Variants in GLIS1 observed in about 807,000 individuals in gnomAD.
GLIS1 encodes GLIS family zinc finger 1, also known as zinc finger protein GLIS1.
Under a neutral mutation model 63.8 loss-of-function variants are expected in GLIS1, and 24 were observed. That is an observed-to-expected ratio of 0.38 (90% CI 0.27 to 0.53). GLIS1 has a LOEUF of 0.53. GLIS1 is among the 20% of genes least tolerant of loss of function. The pLI is 0.85. For missense variants in GLIS1, 1,036 were observed against 1,074.1 expected (o/e 0.96, Z 0.50); for synonymous variants, 450 against 482.5 (o/e 0.93, Z 0.88).
At chr1:53,520,431 T>G (rs544837031) in intron 7 of GLIS1, among the ~76,000 whole-genome samples, 1 of 152,296 alleles carries the variant, frequency 6.6e-6, no homozygotes, top group South Asian at 2.1e-4. Flanking sequence ...GAAGGAAACG[T>G]CCACCTAGTT....
In GLIS1 at chr1:53,607,036, AAC is replaced by A. The variant is rs1020720656; in HGVS notation, c.260-6760_260-6759del. 5.9e-5 allele frequency among the ~76,000 whole-genome samples: 9 copies of A among 152,260 alleles called. 1 individual carries two copies. The South Asian group carries it at 1.5e-3, about 25-fold the overall frequency. The stretch of plus-strand genomic sequence containing the variant: ...GGCAGGTGTATGGTGTGTGTAAATA[AAC>A]ACAGCCAGGGGCCAGCTTTTCCCTC... On this transcript the variant is annotated intron_variant, in intron 2 of 10. Transcript: ENST00000628545.
intron 4 of GLIS1, among the ~76,000 whole-genome samples, chr1:53,589,536 T>C (rs749025961): frequency 1.3e-5 from 2 of 152,188 alleles, no homozygotes; most frequent in African/African-American, 2.4e-5. Context: ...AGGTGGCTTG[T>C]GTTCTGAGTT....
chr1:53,719,061 C>T (rs1347675091), intron 2 of GLIS1, among the ~76,000 whole-genome samples: 1 of 152,226 alleles, frequency 6.6e-6, no homozygotes, highest in Non-Finnish European at 1.5e-5. Context: ...CAGCCTCTCT[C>T]CTCTACCTGG....
chr1:53,651,831 G>A (rs1422564798), intron 2 of GLIS1, among the ~76,000 whole-genome samples: 1 of 148,788 alleles, frequency 6.7e-6, no homozygotes, highest in East Asian at 2.0e-4. Context: ...CCATGTTCGT[G>A]CCACTGCACT....
At chr1:53,573,019 T>C (rs905291587) in intron 4 of GLIS1, among the ~76,000 whole-genome samples, 3 of 152,244 alleles carry the variant, frequency 2.0e-5, no homozygotes, top group Non-Finnish European at 4.4e-5. Context: ...CACTGTGTTT[T>C]GTATTTTTCT....
chr1:53,645,472 G>C (rs1424350223), intron 2 of GLIS1, among the ~76,000 whole-genome samples: 1 of 152,136 alleles, frequency 6.6e-6, no homozygotes, highest in African/African-American at 2.4e-5. Flanking sequence ...ACACCCAGCA[G>C]GGGCCTAGCA....
chr1:53,732,595 T>C (rs1557546783), intron 2 of GLIS1, among the ~76,000 whole-genome samples: 1 of 152,208 alleles, frequency 6.6e-6, no homozygotes, highest in South Asian at 2.1e-4. Context: ...TTCAGGAGTT[T>C]GGTCTTTTTT....
intron 2 of GLIS1, among the ~76,000 whole-genome samples, chr1:53,633,162 G>A (rs1290172078): frequency 1.3e-5 from 2 of 150,374 alleles, no homozygotes; most frequent in Non-Finnish European, 3.0e-5. Flanking sequence ...GTGTATGAGT[G>A]TGACCGAGGG....
intron 2 of GLIS1, among the ~76,000 whole-genome samples, chr1:53,658,269 T>C (rs1000159163): frequency 1.3e-5 from 2 of 152,184 alleles, no homozygotes; most frequent in African/African-American, 4.8e-5. Flanking sequence ...CCATCCTATA[T>C]TGCTACTATA....
At chr1:53,685,195 C>T (rs1051597447) in intron 2 of GLIS1, among the ~76,000 whole-genome samples, 1 of 152,206 alleles carries the variant, frequency 6.6e-6, no homozygotes, top group Non-Finnish European at 1.5e-5. Flanking sequence ...ATGCCCAGCT[C>T]ACAGGAGCAC....
At position 53,518,755 on chromosome 1, in the gene GLIS1, G is replaced by A. The variant is rs564030218; in HGVS notation, c.1726+1879C>T. ...TGGGTTTCACATCCTACTGCACAGCGTAGTTGGGGATTGAACGAGAGGATA... is the reference window on the plus strand; with the variant it reads ...TGGGTTTCACATCCTACTGCACAGCATAGTTGGGGATTGAACGAGAGGATA... On this transcript the variant is annotated intron_variant, in intron 7 of 10. Transcript: ENST00000628545. 1.2e-4 allele frequency among the ~76,000 whole-genome samples: 19 copies of A among 152,352 alleles called. No individual in the cohort carries two copies. The South Asian group carries it at 2.9e-3, about 23-fold the overall frequency.
intron 2 of GLIS1, among the ~76,000 whole-genome samples, chr1:53,668,023 C>T (rs533525572): frequency 3.3e-5 from 5 of 152,338 alleles, no homozygotes; most frequent in African/African-American, 9.6e-5. Flanking sequence ...CATCTCGTTC[C>T]ATTCTGCTCT....
chr1:53,696,703 T>C (rs1047213451), intron 2 of GLIS1, among the ~76,000 whole-genome samples: 7 of 152,084 alleles, frequency 4.6e-5, no homozygotes, highest in Admixed American at 1.3e-4. Flanking sequence ...CTCACTGCTG[T>C]CCTCATACGT....
intron 2 of GLIS1, among the ~76,000 whole-genome samples, chr1:53,607,807 G>C (rs2950257): frequency 0.75 from 114,600 of 152,072 alleles, 43,330 homozygotes; most frequent in Middle Eastern, 0.86. Flanking sequence ...AATTCCAGAG[G>C]CAAGAAGTCC....
chr1:53,551,351 C>T (rs762427469), intron 4 of GLIS1, among the ~76,000 whole-genome samples: 11 of 152,286 alleles, frequency 7.2e-5, no homozygotes, highest in Middle Eastern at 3.4e-3. Flanking sequence ...TGTTGTGAGG[C>T]CTGGAAACTG....
intron 2 of GLIS1, among the ~76,000 whole-genome samples, chr1:53,658,439 A>G (rs918929998): frequency 6.6e-6 from 1 of 152,232 alleles, no homozygotes; most frequent in African/African-American, 2.4e-5. Context: ...CCAGAAGTTC[A>G]GTGCAGATCC....
At chr1:53,564,947 T>C (rs1448424356) in intron 4 of GLIS1, among the ~76,000 whole-genome samples, 1 of 152,050 alleles carries the variant, frequency 6.6e-6, no homozygotes, top group Non-Finnish European at 1.5e-5. Flanking sequence ...ACAAGATTTT[T>C]GATCTACTGA....
At chr1:53,644,665 G>GCCCTCC (rs1645823324) in intron 2 of GLIS1, among the ~76,000 whole-genome samples, 6 of 152,196 alleles carry the variant, frequency 3.9e-5, no homozygotes, top group Admixed American at 3.9e-4. Context: ...GGGAACAGAT[G>GCCCTCC]GGACCAGGGC....
intron 2 of GLIS1, among the ~76,000 whole-genome samples, chr1:53,711,310 G>A (rs1646644422): frequency 6.6e-6 from 1 of 152,126 alleles, no homozygotes; most frequent in Non-Finnish European, 1.5e-5. Flanking sequence ...TGCCCTGCAT[G>A]GAAGCCTCTA....
Sources: gnomAD v4.1 joint callset for allele counts (sites outside exome capture counted in the v4.1 genomes callset) on GRCh38, gnomAD v4.1.1 for gene constraint, MANE v1.5 for transcripts, NCBI Gene and HGNC (gene_info 2026-07-23, HGNC 2026-07-21) for gene names.